Variants in PIF1 observed in about 807,000 individuals in gnomAD.
PIF1 encodes PIF1 5'-to-3' DNA helicase.
A neutral mutation model predicts 62.3 loss-of-function variants in PIF1; 67 were observed. The ratio of observed to expected loss-of-function variants is 1.08; its 90% CI spans 0.88 to 1.32. The LOEUF (loss-of-function observed/expected upper bound fraction) is 1.32. Among genes scored for constraint, PIF1 ranks in the 40% most tolerant of loss-of-function variants. PIF1 has a pLI of 0.00. For missense variants in PIF1, 886 were observed against 866.1 expected (o/e 1.02, Z -0.29); for synonymous variants, 364 against 379.5 (o/e 0.96, Z 0.47).
rs551692379 is a variant in PIF1 at position 64,815,893 on chromosome 15, A to G, written c.*405T>C. 1 of 1,550,640 alleles carries G rather than the reference A, an allele frequency of 6.4e-7. No individual in the cohort carries two copies. Among genetic ancestry groups the G allele is most frequent in the East Asian group, 2.4e-5 (1 of 40,922 alleles). ...CCTGAGTCCCCACCAGTCCCCTCCA[A>G]GAGCCCTGATGCTGCTTCCGGAGCA... is the stretch of plus-strand genomic sequence containing the variant. On this transcript the variant is annotated 3_prime_UTR_variant, in exon 13 of 13. Transcript: ENST00000559239.
rs377391279 is a variant in PIF1 at position 64,818,322 on chromosome 15, G to A, written c.1463C>T (p.Ser488Leu). The change falls in exon 10 of 13, where the codon TCG (serine) becomes TTG (leucine). Residue 488 changes from serine (S) to leucine (L), a missense_variant. Physicochemically the swap from Ser to Leu is moderately radical, Grantham distance 145 (BLOSUM62 -2). Transcript: ENST00000559239. ...GAQVMLVKNL[S>L]VSRGLVNGAR... ...ACCATTCACCAGGCCCCGAGACACC[G>A]ATAAGTTTTTCACCAGCATCACCTG... is the stretch of plus-strand genomic sequence containing the variant. 123 of 1,613,850 alleles carry A rather than the reference G, an allele frequency of 7.6e-5. No homozygotes were observed. The highest frequency in any genetic ancestry group is 9.9e-5 in the Non-Finnish European group (117 of 1,179,992).
chr15:64,825,370 G>A (rs916162501), intron 1 of PIF1, among the ~76,000 whole-genome samples, 199 bp downstream of exon 1: 13 of 152,292 alleles, frequency 8.5e-5, no homozygotes, highest in African/African-American at 3.1e-4. Flanking sequence ...ATAAGCCACA[G>A]CGGCTAGTAG....
intron 8 of PIF1, 91 bp from the exon 9 acceptor site, chr15:64,819,314 T>A (rs2084247726): frequency 1.0e-5 from 9 of 892,812 alleles, no homozygotes; most frequent in Non-Finnish European, 1.4e-5. Flanking sequence ...TTAATTTAAT[T>A]TAATTTTATT....
rs201639671 is a variant in PIF1, at chr15:64,821,004, G to A, written c.1171C>T (p.Leu391=). The A allele has an allele frequency of 4.3e-6, 7 of 1,613,988 alleles. No individual in the cohort carries two copies. The highest frequency in any genetic ancestry group is 1.7e-4 in the Middle Eastern group (1 of 6,056). The change falls in exon 7 of 13, where the codon CTG becomes TTG. Residue 391 remains leucine, a synonymous_variant. Transcript: ENST00000559239. ...RQADQTFISL[L]QAVRLGRCSD... The stretch of plus-strand genomic sequence containing the variant: ...CACCTGCCTAGCCTCACGGCCTGCA[G>A]TAGAGAGATGAAGGTCTGGTCTGCC...
upstream of PIF1, among the ~76,000 whole-genome samples, chr15:64,826,665 T>TATACATACAC (rs796684934): frequency 2.6e-4 from 11 of 42,800 alleles, 1 homozygote; most frequent in African/African-American, 8.4e-4. Context: ...TATATATATA[T>TATACATACAC]ACACACACAC....
Position 64,816,659 on chromosome 15 carries a change from A to G in PIF1, c.1781T>C (p.Leu594Pro), listed in dbSNP as rs2084189360. The G allele has an allele frequency of 6.2e-7, 1 of 1,614,094 alleles. No homozygotes were observed. The change falls in exon 12 of 13, where the codon CTG becomes CCG. Residue 594 changes from leucine (L) to proline (P), a missense_variant. Transcript: ENST00000559239. Reference sequence around the variant, plus strand: ...GCGAACCGCCATGGGGTCAAAGTCCAGCACACGTAGGCCCTGCAGGCTGCG... The same window carrying G: ...GCGAACCGCCATGGGGTCAAAGTCCGGCACACGTAGGCCCTGCAGGCTGCG... ...RARSLQGLRV[L>P]DFDPMAVRCD...
intron 9 of PIF1, 85 bp from the exon 10 acceptor site, chr15:64,818,429 G>A (rs2084229540): frequency 7.7e-7 from 1 of 1,302,374 alleles, no homozygotes; most frequent in Non-Finnish European, 1.1e-6. Context: ...AGAGGCTGAG[G>A]GCAGGGAGCT....
In PIF1 at chr15:64,818,031, G is replaced by A. The variant is rs377317303; in HGVS notation, c.1589C>T (p.Thr530Met). The A allele has an allele frequency of 1.6e-5, 26 of 1,613,690 alleles. No individual in the cohort carries two copies. The highest frequency in any genetic ancestry group is 1.7e-4 in the Middle Eastern group (1 of 6,058). ...GAGCTGGCCCCCGGTGGCCTGCACC[G>A]TCCAGCGGTCAGCGTGGATGACCTC... is the stretch of plus-strand genomic sequence containing the variant. ...VTEVIHADRW[T>M]VQATGGQLLS... The change falls in exon 11 of 13, where the codon ACG becomes ATG. Residue 530 changes from threonine (T) to methionine (M), a missense_variant. Thr to Met is a moderately conservative substitution (Grantham distance 81). Coordinates refer to ENST00000559239, the MANE Select transcript of PIF1 (RefSeq NM_001286496.2).
At chr15:64,816,513 C>G in intron 12 of PIF1, 61 bp downstream of exon 12, 1 of 1,599,814 alleles carries the variant, frequency 6.3e-7, no homozygotes, top group Non-Finnish European at 8.5e-7. Context: ...CCGGCGCTCC[C>G]TCTGTCCTAG....
intron 1 of PIF1, among the ~76,000 whole-genome samples, chr15:64,825,067 G>A (rs1158897994): frequency 6.6e-6 from 1 of 151,496 alleles, no homozygotes; most frequent in East Asian, 1.9e-4. Flanking sequence ...CGGCGGATGG[G>A]CACCGAGGAT....
chr15:64,816,999 G>A lies in PIF1; in HGVS notation c.1675-234C>T, dbSNP rs187172093. On this transcript the variant is annotated intron_variant, in intron 11 of 12. Coordinates refer to ENST00000559239, the MANE Select transcript of PIF1 (RefSeq NM_001286496.2). ...TGAAAGGAAAGCACTCAGGCTCTGGGTCAGACAGGCGTGGAGCTGAATCCA... is the reference window on the plus strand; with the variant it reads ...TGAAAGGAAAGCACTCAGGCTCTGGATCAGACAGGCGTGGAGCTGAATCCA... Among the ~76,000 whole-genome samples, 4 of 152,326 alleles carry A rather than the reference G, an allele frequency of 2.6e-5. No individual in the cohort carries two copies. In the East Asian group the frequency reaches 7.7e-4, roughly 29 times the overall value.
rs1567085357 is a variant in PIF1, at chr15:64,820,093, G to A, written c.1194-107C>T. 7.2e-6 allele frequency: 10 copies of A among 1,384,844 alleles called. No homozygotes were observed. In the South Asian group the frequency reaches 1.1e-4, roughly 15 times the overall value. 85.8% of individuals were successfully genotyped at this position (1,384,844 alleles called of 1,614,324 possible). On this transcript the variant is annotated intron_variant, in intron 7 of 12. Transcript: ENST00000559239. ...AGGCCATGGGTCAGGCCTTGGGACT[G>A]GAAGAGGGCACCAGGGAAGAGTTGC...
chr15:64,820,783 C>G lies in PIF1; in HGVS notation c.1193+199G>C, dbSNP rs192543943. On this transcript the variant is annotated intron_variant, in intron 7 of 12. Coordinates refer to ENST00000559239, the MANE Select transcript of PIF1 (RefSeq NM_001286496.2). ...AGGTCCCAGCACTCAGAGCAACCAT[C>G]TCCTATGGTGCCATGATGGTCTTGA... is the stretch of plus-strand genomic sequence containing the variant. Among the ~76,000 whole-genome samples, 3 of 152,206 alleles carry G rather than the reference C, an allele frequency of 2.0e-5. No individual in the cohort carries two copies. In the East Asian group the frequency reaches 5.8e-4, roughly 29 times the overall value.
intron 7 of PIF1, among the ~76,000 whole-genome samples, chr15:64,820,301 ACAGGCTGGAGATTTG>A (rs2084267696): frequency 6.6e-6 from 1 of 152,234 alleles, no homozygotes; most frequent in South Asian, 2.1e-4. Flanking sequence ...ATGAGTGAGC[ACAGGCTGGAGATTTG>A]CAGGACCCAG....
At position 64,819,845 on chromosome 15, in the gene PIF1, A is replaced by G. The variant is rs147547471; in HGVS notation, c.1333+2T>C. 2 of 1,612,620 alleles carry G rather than the reference A, an allele frequency of 1.2e-6. No individual in the cohort carries two copies. Among genetic ancestry groups the G allele is most frequent in the African/African-American group, 2.7e-5 (2 of 74,904 alleles). On this transcript the variant is annotated splice_donor_variant, in intron 8 of 12. Transcript: ENST00000559239. LOFTEE classifies it high-confidence loss of function. ...CTTGCCCAGCCCAGGCTCCCTGCTC[A>G]CCTGGCAGCTCCTGAAGCCGCCTCT...
upstream of PIF1, among the ~76,000 whole-genome samples, chr15:64,826,663 T>TACACACAC (rs1243953652): frequency 7.3e-5 from 2 of 27,346 alleles, no homozygotes; most frequent in Admixed American, 4.3e-4. Flanking sequence ...TATATATATA[T>TACACACAC]ATACACACAC....
intron 1 of PIF1, among the ~76,000 whole-genome samples, chr15:64,824,992 T>TACACACACAC (rs199650820): frequency 3.7e-5 from 5 of 136,622 alleles, no homozygotes; most frequent in African/African-American, 1.3e-4. Context: ...ACAATTTCTA[T>TACACACACAC]ATATATACAC....
At chr15:64,820,050 C>T (rs2084264083) in intron 7 of PIF1, 64 bp from the exon 8 acceptor site, 10 of 1,566,724 alleles carry the variant, frequency 6.4e-6, no homozygotes, top group Non-Finnish European at 8.7e-6. Flanking sequence ...GGAACATGGG[C>T]AGGATGGCTC....
At chr15:64,824,567 C>G (rs2084340477) in intron 1 of PIF1, among the ~76,000 whole-genome samples, 1 of 152,124 alleles carries the variant, frequency 6.6e-6, no homozygotes, top group African/African-American at 2.4e-5. Flanking sequence ...ATGCCCTGGG[C>G]CGGGCGCAGT....
Sources: gnomAD v4.1 joint callset for allele counts (sites outside exome capture counted in the v4.1 genomes callset) on GRCh38, gnomAD v4.1.1 for gene constraint, MANE v1.5 for transcripts, NCBI Gene and HGNC (gene_info 2026-07-23, HGNC 2026-07-21) for gene names.